NIPAL2: variants seen among roughly 807,000 people sequenced by gnomAD.
The protein encoded by NIPAL2 is NIPA like domain containing 2, also known as NIPA-like protein 2.
A neutral mutation model predicts 48.9 loss-of-function variants in NIPAL2; 43 were observed. The ratio of observed to expected loss-of-function variants is 0.88; its 90% CI spans 0.69 to 1.13. NIPAL2 has a LOEUF of 1.13. Ranked by LOEUF, NIPAL2 falls within the 50% of genes most tolerant of loss-of-function variation. The pLI is 0.00. For synonymous variants in NIPAL2, 167 were observed against 174.6 expected, an observed-to-expected ratio of 0.96 and a Z score of 0.34; for missense variants, 446 against 461.4, an observed-to-expected ratio of 0.97 and a Z score of 0.31.
chr8:98,269,377 T>C (rs1308324828), intron 1 of NIPAL2, among the ~76,000 whole-genome samples: 2 of 152,228 alleles, frequency 1.3e-5, no homozygotes, highest in Non-Finnish European at 2.9e-5. Context: ...AACTACTCAT[T>C]GATCCATAGG....
chr8:98,217,920 G>T (rs1472603220), intron 5 of NIPAL2, among the ~76,000 whole-genome samples: 1 of 151,918 alleles, frequency 6.6e-6, no homozygotes, highest in African/African-American at 2.4e-5. Context: ...TCTAAATTTG[G>T]TGTCTAACCA....
chr8:98,270,309 T>C (rs1180875576), intron 1 of NIPAL2, among the ~76,000 whole-genome samples: 1 of 152,120 alleles, frequency 6.6e-6, no homozygotes, highest in Non-Finnish European at 1.5e-5. Flanking sequence ...TAACCATACA[T>C]AAGTGTTTAT....
chr8:98,271,371 T>G (rs1815112923), intron 1 of NIPAL2, among the ~76,000 whole-genome samples: 1 of 152,222 alleles, frequency 6.6e-6, no homozygotes, highest in African/African-American at 2.4e-5. Context: ...TCTGATTTCT[T>G]TCAGCAGTAT....
intron 1 of NIPAL2, among the ~76,000 whole-genome samples, chr8:98,287,139 G>C (rs1247219959): frequency 6.6e-6 from 1 of 152,186 alleles, no homozygotes; most frequent in East Asian, 1.9e-4. Context: ...ATGGCACAAA[G>C]TCTTATGTTA....
At position 98,212,444 on chromosome 8, in the gene NIPAL2, T is replaced by C. The variant is rs756897444; in HGVS notation, c.616A>G (p.Lys206Glu). Residue 206 changes from lysine (K) to glutamate (E), a missense_variant, in exon 6 of 11, where the codon AAG becomes GAG. Lys to Glu is a moderately conservative substitution (Grantham distance 56). Coordinates refer to ENST00000430223, the MANE Select transcript of NIPAL2 (RefSeq NM_001321635.2). ...LLYFYKRKGM[K>E]HMVILLTLVA... ...AGGGTTAGCAGAATCACCATATGCTTCATTCCTTTTCTTTTATAGAAATAC... is the reference window on the plus strand; with the variant it reads ...AGGGTTAGCAGAATCACCATATGCTCCATTCCTTTTCTTTTATAGAAATAC... The C allele has an allele frequency of 1.1e-4, 178 of 1,588,784 alleles. No homozygotes were observed. Among genetic ancestry groups the C allele is most frequent in the Non-Finnish European group, 1.4e-4 (162 of 1,157,716 alleles).
chr8:98,204,940 T>C (rs1045016984), intron 7 of NIPAL2, among the ~76,000 whole-genome samples, 171 bp downstream of exon 7: 5 of 152,178 alleles, frequency 3.3e-5, no homozygotes, highest in South Asian at 2.1e-4. Context: ...AAACTCATTA[T>C]TGGATGCAAA....
chr8:98,271,862 T>C (rs762949561), intron 1 of NIPAL2, among the ~76,000 whole-genome samples: 3 of 152,064 alleles, frequency 2.0e-5, no homozygotes, highest in Non-Finnish European at 4.4e-5. Flanking sequence ...GGTATGTTCC[T>C]TTGGTGCCTA....
intron 3 of NIPAL2, among the ~76,000 whole-genome samples, chr8:98,249,952 TCTCTCCCTG>T (rs1813505571): frequency 6.6e-6 from 1 of 151,924 alleles, no homozygotes; most frequent in Admixed American, 6.6e-5. Flanking sequence ...ACCCGCACAG[TCTCTCCCTG>T]CTTCTGGAAA....
rs141957750 is a variant in NIPAL2, at chr8:98,256,134, G to A, written c.136-2047C>T. 2.0e-3 allele frequency among the ~76,000 whole-genome samples: 300 copies of A among 151,888 alleles called. 1 individual carries two copies. The highest frequency in any genetic ancestry group is 3.6e-3 in the Non-Finnish European group (243 of 67,976). ...AGAGGTAGAGGTTCAAGCGATTCTC[G>A]TGCCTCAGCCTCCCCAGTAGCTGGA... On this transcript the variant is annotated intron_variant, in intron 1 of 10. Coordinates refer to ENST00000430223, the MANE Select transcript of NIPAL2 (RefSeq NM_001321635.2).
At position 98,203,179 on chromosome 8, in the gene NIPAL2, G is replaced by A. The variant is rs747783032; in HGVS notation, c.809C>T (p.Thr270Met). ...VFQVKFLNQA[T>M]KLYNTTTVVP... ...CACTGTTGTCGTATTGTAGAGTTTC[G>A]TGGCTTGATTCAGGAACCTAGGGCA... Residue 270 changes from threonine (T) to methionine (M), a missense_variant, in exon 8 of 11, where the codon ACG (threonine) becomes ATG (methionine). By Grantham distance (81) the Thr-to-Met change is moderately conservative. Coordinates refer to ENST00000430223, the MANE Select transcript of NIPAL2 (RefSeq NM_001321635.2). 44 of 1,613,908 alleles carry A rather than the reference G, an allele frequency of 2.7e-5. No homozygotes were observed. The highest frequency in any genetic ancestry group is 1.6e-4 in the Middle Eastern group (1 of 6,084).
intron 1 of NIPAL2, among the ~76,000 whole-genome samples, chr8:98,260,937 C>T (rs1024364650): frequency 9.9e-5 from 15 of 152,102 alleles, no homozygotes; most frequent in East Asian, 5.8e-4. Context: ...GATCTGAGAA[C>T]GGGCAGACTG....
At chr8:98,215,714 C>A (rs183132293) in intron 5 of NIPAL2, among the ~76,000 whole-genome samples, 1 of 152,192 alleles carries the variant, frequency 6.6e-6, no homozygotes, top group African/African-American at 2.4e-5. Flanking sequence ...CTTTACACAG[C>A]AAAGGGGTTT....
intron 8 of NIPAL2, 100 bp from the exon 9 acceptor site, chr8:98,196,105 A>T: frequency 1.3e-6 from 1 of 752,154 alleles, no homozygotes; most frequent in South Asian, 2.0e-5. Context: ...TATTTTTTCA[A>T]AGTAAATTTA....
At chr8:98,291,756 C>A (rs1181404394) in intron 1 of NIPAL2, among the ~76,000 whole-genome samples, 1 of 152,188 alleles carries the variant, frequency 6.6e-6, no homozygotes, top group Non-Finnish European at 1.5e-5. Context: ...ATAGGCCAGG[C>A]TTTTCACCAA....
At chr8:98,240,517 G>A (rs564247195) in intron 3 of NIPAL2, among the ~76,000 whole-genome samples, 17 of 152,212 alleles carry the variant, frequency 1.1e-4, no homozygotes, top group African/African-American at 3.4e-4. Context: ...TTCCCTACAA[G>A]CTTATCAACA....
At chr8:98,217,874 C>T (rs1266448385) in intron 5 of NIPAL2, among the ~76,000 whole-genome samples, 1 of 152,072 alleles carries the variant, frequency 6.6e-6, no homozygotes, top group Non-Finnish European at 1.5e-5. Flanking sequence ...GGGTTTCTCC[C>T]AGAACTGTAA....
At chr8:98,233,763 A>G (rs1340348256) in intron 4 of NIPAL2, among the ~76,000 whole-genome samples, 2 of 152,212 alleles carry the variant, frequency 1.3e-5, no homozygotes, top group African/African-American at 4.8e-5. Context: ...CATAGTTACA[A>G]CTTGCATTTA....
chr8:98,252,140 C>G (rs1813620681), intron 3 of NIPAL2: 4 of 213,348 alleles, frequency 1.9e-5, no homozygotes, highest in Non-Finnish European at 3.7e-5. Context: ...ATGAATAAAA[C>G]ATTGCATTAC....
At chr8:98,271,834 T>C (rs1468782875) in intron 1 of NIPAL2, among the ~76,000 whole-genome samples, 2 of 152,138 alleles carry the variant, frequency 1.3e-5, no homozygotes, top group Admixed American at 6.6e-5. Context: ...TTGTCATAGA[T>C]GGCTCTTATT....
Sources: gnomAD v4.1 joint callset for allele counts (sites outside exome capture counted in the v4.1 genomes callset) on GRCh38, gnomAD v4.1.1 for gene constraint, MANE v1.5 for transcripts, NCBI Gene and HGNC (gene_info 2026-07-23, HGNC 2026-07-21) for gene names.